The following HS3ST2 variants were observed in gnomAD, a reference collection of about 807,000 sequenced individuals.
HS3ST2 encodes heparan sulfate-glucosamine 3-sulfotransferase 2, also known as heparan sulfate glucosamine 3-O-sulfotransferase 2.
A neutral mutation model predicts 26.3 loss-of-function variants in HS3ST2; 17 were observed. The ratio of observed to expected loss-of-function variants is 0.65; its 90% CI spans 0.44 to 0.97. The LOEUF is 0.97. Among genes scored for constraint, HS3ST2 ranks in the 50% least tolerant of loss-of-function variants. The pLI is 0.00. For missense variants in HS3ST2, 402 were observed against 501.2 expected (o/e 0.80, Z 1.89); for synonymous variants, 237 against 219.2 (o/e 1.08, Z -0.72).
intron 1 of HS3ST2, among the ~76,000 whole-genome samples, chr16:22,874,490 C>G (rs1901884261): frequency 6.6e-6 from 1 of 152,228 alleles, no homozygotes; most frequent in African/African-American, 2.4e-5. Context: ...CCAGCGATCA[C>G]GTCTGAGTCT....
At chr16:22,826,895 G>C (rs772633881) in intron 1 of HS3ST2, among the ~76,000 whole-genome samples, 3 of 152,184 alleles carry the variant, frequency 2.0e-5, no homozygotes, top group Non-Finnish European at 4.4e-5. Flanking sequence ...CTGCCTTCAT[G>C]CTGCTTACTT....
intron 1 of HS3ST2, among the ~76,000 whole-genome samples, chr16:22,897,469 A>C (rs1014061608): frequency 7.2e-5 from 11 of 152,268 alleles, no homozygotes; most frequent in African/African-American, 2.6e-4. Flanking sequence ...AAACTTTAGT[A>C]ATTGAAGGAC....
chr16:22,893,890 C>T (rs535913385), intron 1 of HS3ST2, among the ~76,000 whole-genome samples: 2 of 152,192 alleles, frequency 1.3e-5, no homozygotes, highest in South Asian at 2.1e-4. Flanking sequence ...CAGGCTCAAG[C>T]GATCTTCCAC....
chr16:22,825,151 A>G (rs1793915823), intron 1 of HS3ST2, among the ~76,000 whole-genome samples: 1 of 152,174 alleles, frequency 6.6e-6, no homozygotes, highest in Admixed American at 6.5e-5. Flanking sequence ...GCTCCACCAC[A>G]TGCAAGGTGA....
chr16:22,882,885 G>A (rs567208989), intron 1 of HS3ST2, among the ~76,000 whole-genome samples: 4 of 151,834 alleles, frequency 2.6e-5, no homozygotes, highest in African/African-American at 9.7e-5. Flanking sequence ...ACAAAAGTTA[G>A]CCAGGCGTGG....
In HS3ST2 at chr16:22,883,031, G is replaced by GA. The variant is rs201212985; in HGVS notation, c.486-31897dup. ...GGCAACAGAGTGAGACTCCATCTCA[G>GA]AAAAAAAAAAAAAAAAGATTCCCAG... On this transcript the variant is annotated intron_variant, in intron 1 of 1. Coordinates refer to ENST00000261374, the MANE Select transcript of HS3ST2 (RefSeq NM_006043.2). Among the ~76,000 whole-genome samples the GA allele has an allele frequency of 8.8e-3, 872 of 99,592 alleles. 6 individuals are homozygous for GA. The highest frequency in any genetic ancestry group is 0.017 in the Middle Eastern group (3 of 174). 65.3% of individuals were successfully genotyped at this position (99,592 alleles called of 152,430 possible). A position where few individuals can be genotyped will look rare whatever the true frequency, so the allele number is the denominator to read the frequency against.
At chr16:22,847,279 T>C (rs1480785594) in intron 1 of HS3ST2, among the ~76,000 whole-genome samples, 1 of 152,176 alleles carries the variant, frequency 6.6e-6, no homozygotes, top group Non-Finnish European at 1.5e-5. Context: ...ATGATGGCCG[T>C]CAGCTCCATC....
At chr16:22,882,082 A>G (rs968347541) in intron 1 of HS3ST2, among the ~76,000 whole-genome samples, 3 of 152,258 alleles carry the variant, frequency 2.0e-5, no homozygotes, top group Admixed American at 6.5e-5. Context: ...ACACAAGGTC[A>G]GGTGTGGTGG....
intron 1 of HS3ST2, among the ~76,000 whole-genome samples, chr16:22,831,605 T>TA (rs33932785): frequency 2.0e-5 from 3 of 152,046 alleles, no homozygotes; most frequent in Admixed American, 2.0e-4. Context: ...TTTTTTTTTT[T>TA]ACAATCTCAG....
intron 1 of HS3ST2, chr16:22,854,715 T>C (rs1460870234): frequency 6.6e-6 from 1 of 151,842 alleles, no homozygotes; most frequent in African/African-American, 2.4e-5. Flanking sequence ...CATAGCTCAC[T>C]TCAACCTCAA....
Position 22,814,275 on chromosome 16 carries a change from C to A in HS3ST2, c.-336C>A. 4.1e-6 allele frequency: 1 copy of A among 246,026 alleles called. No individual in the cohort carries two copies. The highest frequency in any genetic ancestry group is 7.7e-6 in the Non-Finnish European group (1 of 129,672). 15.2% of individuals were successfully genotyped at this position (246,026 alleles called of 1,614,324 possible). On this transcript the variant is annotated 5_prime_UTR_variant, in exon 1 of 2. Transcript: ENST00000261374. ...GTTTCGTGAGCGGCGCTCCGAGGAT[C>A]AGGAATGGGGCTTCGGGCGCTGGGC...
Position 22,871,744 on chromosome 16 carries a change from A to C in HS3ST2, c.486-43200A>C, listed in dbSNP as rs534845077. On this transcript the variant is annotated intron_variant, in intron 1 of 1. Coordinates refer to ENST00000261374, the MANE Select transcript of HS3ST2 (RefSeq NM_006043.2). ...AACCTGGCCCAATGCCCTTCTATCC[A>C]CAGGGGCCTGTGATTTGACAGGCAA... is the stretch of plus-strand genomic sequence containing the variant. Among the ~76,000 whole-genome samples, 5 of 152,304 alleles carry C rather than the reference A, an allele frequency of 3.3e-5. No homozygotes were observed. The South Asian group carries it at 1.0e-3, about 32-fold the overall frequency.
chr16:22,858,034 G>A (rs1217307083), intron 1 of HS3ST2, among the ~76,000 whole-genome samples: 1 of 152,038 alleles, frequency 6.6e-6, no homozygotes, highest in African/African-American at 2.4e-5. Context: ...CAGCCGCCGT[G>A]CTAGACCCCA....
intron 1 of HS3ST2, among the ~76,000 whole-genome samples, chr16:22,880,211 T>C (rs1274530921): frequency 1.3e-5 from 2 of 152,066 alleles, no homozygotes; most frequent in Non-Finnish European, 2.9e-5. Flanking sequence ...TTGAGTCCAG[T>C]AGTTTAAGAT....
At chr16:22,883,482 TGTAGGGTGG>T (rs1007788543) in intron 1 of HS3ST2, among the ~76,000 whole-genome samples, 1 of 152,262 alleles carries the variant, frequency 6.6e-6, no homozygotes, top group Non-Finnish European at 1.5e-5. Flanking sequence ...GTCTGTGCTA[TGTAGGGTGG>T]GTAGGAAGTC....
At chr16:22,820,016 G>T (rs1900964950) in intron 1 of HS3ST2, among the ~76,000 whole-genome samples, 1 of 152,228 alleles carries the variant, frequency 6.6e-6, no homozygotes, top group Non-Finnish European at 1.5e-5. Flanking sequence ...CATTGGGTGT[G>T]CACATAGATG....
intron 1 of HS3ST2, among the ~76,000 whole-genome samples, chr16:22,853,665 G>A (rs1451168761): frequency 2.0e-5 from 3 of 152,162 alleles, no homozygotes; most frequent in Admixed American, 6.5e-5. Context: ...AAGGTGCCAC[G>A]GAAGTCAGCT....
chr16:22,902,489 C>T (rs975752150), intron 1 of HS3ST2, among the ~76,000 whole-genome samples: 8 of 152,212 alleles, frequency 5.3e-5, no homozygotes, highest in African/African-American at 1.9e-4. Flanking sequence ...GAGATGCCTC[C>T]TCATGTCAAC....
At chr16:22,889,905 TA>T (rs1188712726) in intron 1 of HS3ST2, among the ~76,000 whole-genome samples, 1 of 152,172 alleles carries the variant, frequency 6.6e-6, no homozygotes, top group Non-Finnish European at 1.5e-5. Flanking sequence ...TTGACAAAAA[TA>T]TTTTTTAAAA....
Sources: gnomAD v4.1 joint callset for allele counts (sites outside exome capture counted in the v4.1 genomes callset) on GRCh38, gnomAD v4.1.1 for gene constraint, MANE v1.5 for transcripts, NCBI Gene and HGNC (gene_info 2026-07-23, HGNC 2026-07-21) for gene names.